Variants in FOXK2 observed in about 807,000 individuals in gnomAD.
FOXK2 encodes forkhead box K2.
In FOXK2, 24 loss-of-function variants were observed where a neutral mutation model predicts 53.3. That is an observed-to-expected ratio of 0.45 (90% CI 0.33 to 0.63). FOXK2 has a LOEUF of 0.63. Among genes scored for constraint, FOXK2 ranks in the 30% least tolerant of loss-of-function variants. FOXK2 has a pLI of 0.03. For synonymous variants in FOXK2, 505 were observed against 407.1 expected (o/e 1.24, Z -2.89); for missense variants, 952 against 910.5 (o/e 1.05, Z -0.59).
chr17:82,546,053 C>G (rs2044621590), intron 1 of FOXK2, among the ~76,000 whole-genome samples: 1 of 151,602 alleles, frequency 6.6e-6, no homozygotes, highest in Non-Finnish European at 1.5e-5. Flanking sequence ...ATTTGCATTT[C>G]CCTAATGACT....
At chr17:82,551,986 G>A (rs1051249950) in intron 1 of FOXK2, among the ~76,000 whole-genome samples, 2 of 152,192 alleles carry the variant, frequency 1.3e-5, no homozygotes, top group African/African-American at 4.8e-5. Context: ...TGCACTCTGG[G>A]TGGTGGCAGC....
intron 1 of FOXK2, among the ~76,000 whole-genome samples, chr17:82,539,192 C>T (rs1401672807): frequency 2.7e-5 from 4 of 149,172 alleles, no homozygotes; most frequent in South Asian, 2.1e-4. Context: ...GGTGGCCGGG[C>T]GTGGTGGCTC....
chr17:82,549,399 C>G (rs1031700759), intron 1 of FOXK2, among the ~76,000 whole-genome samples: 2 of 147,636 alleles, frequency 1.4e-5, no homozygotes, highest in South Asian at 4.4e-4. Flanking sequence ...GGGGGCCAAA[C>G]CCCCAAAATT....
Position 82,585,917 on chromosome 17 carries a change from C to A in FOXK2, c.1293C>A (p.Ser431=), listed in dbSNP as rs200222557. The A allele has an allele frequency of 2.4e-4, 387 of 1,610,904 alleles. 1 individual carries two copies. Among genetic ancestry groups the A allele is most frequent in the Non-Finnish European group, 3.1e-4 (371 of 1,178,498 alleles). Residue 431 remains serine, a synonymous_variant, in exon 7 of 9, where the codon TCC becomes TCA. Transcript: ENST00000335255. ...GTCTTTCACCAGGGTCACCTCTGTC[C>A]AGTCAGCCAGTCTTAATCACCGTCC... ...FAQSAPGSPL[S]SQPVLITVQR...
intron 2 of FOXK2, among the ~76,000 whole-genome samples, chr17:82,564,974 C>T (rs2044838364): frequency 6.6e-6 from 1 of 151,880 alleles, no homozygotes; most frequent in Non-Finnish European, 1.5e-5. Context: ...AGGTGATCCG[C>T]CTGCCTCGGC....
chr17:82,561,179 G>T (rs147870478), intron 1 of FOXK2, among the ~76,000 whole-genome samples: 124 of 152,276 alleles, frequency 8.1e-4, no homozygotes, highest in African/African-American at 2.7e-3. Flanking sequence ...AGAGCTGATG[G>T]CACTGGTGGA....
At chr17:82,542,202 C>T (rs1439662822) in intron 1 of FOXK2, among the ~76,000 whole-genome samples, 2 of 150,396 alleles carry the variant, frequency 1.3e-5, no homozygotes, top group Non-Finnish European at 3.0e-5. Context: ...GTTCTTGTCG[C>T]CCAGGCTGGA....
At chr17:82,534,418 A>G (rs1490214472) in intron 1 of FOXK2, among the ~76,000 whole-genome samples, 4 of 152,174 alleles carry the variant, frequency 2.6e-5, no homozygotes, top group Non-Finnish European at 4.4e-5. Flanking sequence ...AACAAGTCAG[A>G]CCATGAAGTT....
chr17:82,560,303 C>T (rs1407394466), intron 1 of FOXK2, among the ~76,000 whole-genome samples: 8 of 152,148 alleles, frequency 5.3e-5, no homozygotes, highest in Non-Finnish European at 8.8e-5. Flanking sequence ...CCACTGCGCC[C>T]GGCCCTTCTC....
chr17:82,521,028 A>G (rs928112058), intron 1 of FOXK2, among the ~76,000 whole-genome samples: 25 of 152,212 alleles, frequency 1.6e-4, no homozygotes, highest in Admixed American at 1.3e-3. Context: ...CTACAAAACA[A>G]TTTAGCTTGG....
At chr17:82,561,103 G>A (rs2044788342) in intron 1 of FOXK2, among the ~76,000 whole-genome samples, 1 of 152,216 alleles carries the variant, frequency 6.6e-6, no homozygotes, top group African/African-American at 2.4e-5. Context: ...TACTTTTTCA[G>A]TGTCTTAACA....
At chr17:82,597,954 A>G (rs904291088) in intron 8 of FOXK2, among the ~76,000 whole-genome samples, 1 of 152,052 alleles carries the variant, frequency 6.6e-6, no homozygotes, top group Admixed American at 6.6e-5. Flanking sequence ...CCGGCCTCCC[A>G]GTTTCTTTTC....
chr17:82,595,671 G>GCT, intron 8 of FOXK2: 2 of 823,342 alleles, frequency 2.4e-6, no homozygotes, highest in Non-Finnish European at 3.3e-6. Context: ...TTCGTTGAAA[G>GCT]CTCTAACAGT....
chr17:82,534,269 A>G (rs918271417), intron 1 of FOXK2, among the ~76,000 whole-genome samples: 2 of 152,236 alleles, frequency 1.3e-5, no homozygotes, highest in African/African-American at 2.4e-5. Context: ...AAGATGGCTG[A>G]TATGTAGAGG....
chr17:82,603,546 G>A lies in FOXK2; in HGVS notation c.*2047G>A, dbSNP rs2045411532. 6.6e-6 allele frequency: 1 copy of A among 152,194 alleles called. No individual in the cohort carries two copies. Among genetic ancestry groups the A allele is most frequent in the Non-Finnish European group, 1.5e-5 (1 of 68,040 alleles). The allele number at this position is 152,194 out of a possible 1,614,324, so 9.4% of individuals were successfully genotyped here. On this transcript the variant is annotated 3_prime_UTR_variant, in exon 9 of 9. Transcript: ENST00000335255. ...CTTGGAGACGTTTTTATGCAGCTGTGTATGTTACTATCCAGAAGGAGTCGG... is the reference window on the plus strand; with the variant it reads ...CTTGGAGACGTTTTTATGCAGCTGTATATGTTACTATCCAGAAGGAGTCGG...
At chr17:82,525,787 T>G (rs936790177) in intron 1 of FOXK2, among the ~76,000 whole-genome samples, 1 of 152,212 alleles carries the variant, frequency 6.6e-6, no homozygotes. Context: ...AAATTAAAAC[T>G]CTGTTTATTT....
chr17:82,562,817 T>A (rs539693977), intron 1 of FOXK2, among the ~76,000 whole-genome samples: 99 of 152,118 alleles, frequency 6.5e-4, no homozygotes, highest in African/African-American at 2.0e-3. Context: ...GCTTTTTTTT[T>A]TTTTGGTCGG....
chr17:82,558,708 A>G (rs1365575391), intron 1 of FOXK2, among the ~76,000 whole-genome samples: 1 of 151,710 alleles, frequency 6.6e-6, no homozygotes, highest in African/African-American at 2.4e-5. Flanking sequence ...TAAATATAGC[A>G]CAGTGGACAC....
intron 1 of FOXK2, among the ~76,000 whole-genome samples, chr17:82,562,314 C>T (rs1005350946): frequency 1.3e-5 from 2 of 152,200 alleles, no homozygotes; most frequent in Non-Finnish European, 2.9e-5. Flanking sequence ...GGCGCCATGG[C>T]TCACGCCTGT....
Sources: gnomAD v4.1 joint callset for allele counts (sites outside exome capture counted in the v4.1 genomes callset) on GRCh38, gnomAD v4.1.1 for gene constraint, MANE v1.5 for transcripts, NCBI Gene and HGNC (gene_info 2026-07-23, HGNC 2026-07-21) for gene names.